SLC22A25: variants seen among roughly 807,000 people sequenced by gnomAD.
SLC22A25 encodes the protein MGI:2442751, MGI:2385316, MGI:3042283, MGI:3645714, MGI:3605624, MGI:2442750.
In SLC22A25, 44 loss-of-function variants were observed where a neutral mutation model predicts 45.9. The observed-to-expected ratio is 0.96, with a 90% CI of 0.75 to 1.23. The LOEUF (loss-of-function observed/expected upper bound fraction) is 1.23. Among genes scored for constraint, SLC22A25 ranks in the 50% most tolerant of loss-of-function variants. The probability of loss-of-function intolerance (pLI) is 0.00; values close to 1 mark genes in which losing one functional copy is unlikely to be tolerated. For missense variants in SLC22A25, 800 were observed against 666.4 expected (o/e 1.20, Z -2.21); for synonymous variants, 283 against 238.6 (o/e 1.19, Z -1.72).
intron 7 of SLC22A25, among the ~76,000 whole-genome samples, chr11:63,192,481 C>T (rs747903665): frequency 1.2e-4 from 19 of 152,110 alleles, no homozygotes; most frequent in Admixed American, 6.5e-5. Context: ...CAAATCCACA[C>T]GTATCAATAC....
At chr11:63,227,173 C>T (rs763146327) in intron 5 of SLC22A25, among the ~76,000 whole-genome samples, 1 of 152,010 alleles carries the variant, frequency 6.6e-6, no homozygotes, top group Non-Finnish European at 1.5e-5. Flanking sequence ...AAGACAAAGT[C>T]CCCTTTATTC....
chr11:63,209,519 C>G (rs767100781), intron 7 of SLC22A25, among the ~76,000 whole-genome samples: 24 of 152,010 alleles, frequency 1.6e-4, no homozygotes, highest in Non-Finnish European at 1.3e-4. Flanking sequence ...AACAGAAGCC[C>G]CCGTTAGAAA....
At position 63,163,789 on chromosome 11, in the gene SLC22A25, G is replaced by A; in HGVS notation, c.*35C>T. ...ATCTAAGCCTTTTTGGGGGATGGTA[G>A]CCCTAAATGGTGTTTTGCTTTCCTC... is the stretch of plus-strand genomic sequence containing the variant. On this transcript the variant is annotated 3_prime_UTR_variant, in exon 12 of 12. Coordinates refer to ENST00000306494, the MANE Select transcript of SLC22A25 (RefSeq NM_199352.6). 1 of 1,572,986 alleles carries A rather than the reference G, an allele frequency of 6.4e-7. No homozygotes were observed. Among genetic ancestry groups the A allele is most frequent in the Non-Finnish European group, 8.6e-7 (1 of 1,161,610 alleles).
In SLC22A25 at chr11:63,186,032, G is replaced by T. The variant is rs1291217777; in HGVS notation, c.831-2215C>A. ...TGTGCATGTGTCTTTATAGTAGCATGATTTATAATCCTTTGGGTATATACC... is the reference window on the plus strand; with the variant it reads ...TGTGCATGTGTCTTTATAGTAGCATTATTTATAATCCTTTGGGTATATACC... On this transcript the variant is annotated intron_variant, in intron 7 of 11. Transcript: ENST00000306494. Among the ~76,000 whole-genome samples the T allele has an allele frequency of 4.6e-5, 7 of 152,058 alleles. No individual in the cohort carries two copies. In the East Asian group the frequency reaches 1.2e-3, roughly 25 times the overall value.
intron 3 of SLC22A25, among the ~76,000 whole-genome samples, chr11:63,232,893 A>G (rs957027783): frequency 3.3e-5 from 5 of 152,112 alleles, no homozygotes; most frequent in Non-Finnish European, 7.4e-5. Context: ...TGAGATAATC[A>G]TGTGGTTTTT....
intron 3 of SLC22A25, among the ~76,000 whole-genome samples, chr11:63,232,262 TGAGCA>T (rs2090082922): frequency 6.6e-6 from 1 of 152,216 alleles, no homozygotes; most frequent in South Asian, 2.1e-4. Context: ...TTCCTACCCG[TGAGCA>T]TGGAATGTTC....
intron 7 of SLC22A25, chr11:63,208,074 A>T (rs1472148988): frequency 6.6e-6 from 1 of 152,164 alleles, no homozygotes; most frequent in Non-Finnish European, 1.5e-5. Context: ...ATTTCTGGGG[A>T]CTCATCCAGG....
chr11:63,209,182 C>T (rs992819831), intron 7 of SLC22A25, among the ~76,000 whole-genome samples: 2 of 152,056 alleles, frequency 1.3e-5, no homozygotes, highest in Non-Finnish European at 2.9e-5. Context: ...AGACCAGTTT[C>T]CCTATATAGA....
chr11:63,227,294 A>C lies in SLC22A25; in HGVS notation c.506+1167T>G, dbSNP rs139554270. 9.3e-4 allele frequency among the ~76,000 whole-genome samples: 141 copies of C among 152,278 alleles called. 1 individual carries two copies. The East Asian group carries it at 0.024, about 25-fold the overall frequency. ...TATCTCGGAGTCTCTCCCAAGGTCA[A>C]TGACATGTATTACCTGGTTACCACT... is the stretch of plus-strand genomic sequence containing the variant. On this transcript the variant is annotated intron_variant, in intron 5 of 11. Transcript: ENST00000306494.
At chr11:63,225,638 T>C (rs1480829128) in intron 5 of SLC22A25, among the ~76,000 whole-genome samples, 1 of 152,216 alleles carries the variant, frequency 6.6e-6, no homozygotes, top group African/African-American at 2.4e-5. Context: ...CTTGATATCC[T>C]ATGATTTTCT....
intron 7 of SLC22A25, among the ~76,000 whole-genome samples, chr11:63,191,513 C>T (rs139636238): frequency 6.6e-6 from 1 of 152,252 alleles, no homozygotes; most frequent in East Asian, 1.9e-4. Flanking sequence ...CAATGCCTCA[C>T]CCTGCTTCAG....
chr11:63,182,897 A>C (rs1031565146), intron 8 of SLC22A25, among the ~76,000 whole-genome samples: 1 of 152,054 alleles, frequency 6.6e-6, no homozygotes, highest in Non-Finnish European at 1.5e-5. Flanking sequence ...CTTCATTAAC[A>C]TTCTTTCTAT....
At chr11:63,240,279 T>C (rs1359928847) in intron 1 of SLC22A25, among the ~76,000 whole-genome samples, 1 of 152,140 alleles carries the variant, frequency 6.6e-6, no homozygotes, top group African/African-American at 2.4e-5. Flanking sequence ...GGTGAGTCAG[T>C]GTGTGAGTGG....
intron 9 of SLC22A25, among the ~76,000 whole-genome samples, chr11:63,179,186 A>C (rs1465621931): frequency 6.6e-6 from 1 of 151,978 alleles, no homozygotes; most frequent in African/African-American, 2.4e-5. Context: ...TGAACTCCTG[A>C]CCTCAGGTGA....
intron 7 of SLC22A25, among the ~76,000 whole-genome samples, chr11:63,187,831 A>G (rs932001157): frequency 6.6e-6 from 1 of 152,164 alleles, no homozygotes. Context: ...GGTTCTCTTT[A>G]TATGCTGGAT....
intron 10 of SLC22A25, 73 bp from the exon 11 acceptor site, chr11:63,164,707 A>G (rs2087620365): frequency 8.1e-7 from 1 of 1,229,606 alleles, no homozygotes; most frequent in Non-Finnish European, 1.2e-6. Flanking sequence ...GGTAGAAGTG[A>G]AAAGGACTGC....
At chr11:63,181,551 C>G (rs950170755) in intron 8 of SLC22A25, among the ~76,000 whole-genome samples, 7 of 151,820 alleles carry the variant, frequency 4.6e-5, no homozygotes, top group Non-Finnish European at 1.0e-4. Flanking sequence ...GGAAACTAAC[C>G]CTTATGTTTC....
chr11:63,221,475 G>C (rs1388932833), intron 5 of SLC22A25, among the ~76,000 whole-genome samples: 1 of 151,944 alleles, frequency 6.6e-6, no homozygotes, highest in Non-Finnish European at 1.5e-5. Context: ...AAATTAAATT[G>C]TTAGATTTTT....
chr11:63,186,488 G>C (rs1385121258), intron 7 of SLC22A25, among the ~76,000 whole-genome samples: 2 of 151,110 alleles, frequency 1.3e-5, no homozygotes, highest in Non-Finnish European at 3.0e-5. Flanking sequence ...CTCCCATTCT[G>C]TAGGTTGCCT....
Sources: allele counts gnomAD v4.1 joint callset (sites outside exome capture counted in the v4.1 genomes callset), GRCh38; gene constraint gnomAD v4.1.1; transcripts MANE v1.5; gene names NCBI Gene and HGNC (gene_info 2026-07-23, HGNC 2026-07-21).